Variants in LRBA observed in about 807,000 individuals in gnomAD.
LRBA encodes lipopolysaccharide-responsive and beige-like anchor protein.
Under a neutral mutation model 330.0 loss-of-function variants are expected in LRBA, and 176 were observed. The ratio of observed to expected loss-of-function variants is 0.53; its 90% confidence interval spans 0.47 to 0.60. The LOEUF is 0.60. LRBA is among the 20% of genes least tolerant of loss of function. The pLI, the probability that LRBA is intolerant of heterozygous loss-of-function variation, is 0.00. For synonymous variants in LRBA, 1,230 were observed against 1,193.0 expected, an observed-to-expected ratio of 1.03 and a Z score of -0.64; for missense variants, 3,259 against 3,444.8, an observed-to-expected ratio of 0.95 and a Z score of 1.35.
chr4:150,506,318 A>G (rs1001722794), intron 40 of LRBA, among the ~76,000 whole-genome samples: 4 of 152,212 alleles, frequency 2.6e-5, no homozygotes, highest in Non-Finnish European at 5.9e-5. Context: ...CATTGATGCA[A>G]AAATCCTCAG....
chr4:150,747,317 C>T (rs1434688300), intron 35 of LRBA, among the ~76,000 whole-genome samples: 1 of 152,214 alleles, frequency 6.6e-6, no homozygotes, highest in African/African-American at 2.4e-5. Flanking sequence ...GTGTATCAGT[C>T]TCTTCTTTAG....
chr4:150,538,828 A>C (rs1191999041), intron 40 of LRBA, among the ~76,000 whole-genome samples: 3 of 151,914 alleles, frequency 2.0e-5, no homozygotes, highest in Non-Finnish European at 4.4e-5. Context: ...AAAAAAAAAA[A>C]AACAAAAAAC....
intron 49 of LRBA, 93 bp downstream of exon 49, chr4:150,325,716 G>C: frequency 1.2e-6 from 1 of 866,456 alleles, no homozygotes; most frequent in Non-Finnish European, 1.9e-6. Flanking sequence ...CCCACATATG[G>C]TGGAGAAACT....
At chr4:150,727,709 C>T (rs577747307) in intron 36 of LRBA, among the ~76,000 whole-genome samples, 5 of 151,642 alleles carry the variant, frequency 3.3e-5, no homozygotes, top group African/African-American at 1.2e-4. Flanking sequence ...CAGGATACAG[C>T]AAAAGCACTA....
At chr4:150,439,649 A>C (rs1219639688) in intron 44 of LRBA, among the ~76,000 whole-genome samples, 3 of 152,206 alleles carry the variant, frequency 2.0e-5, no homozygotes, top group Non-Finnish European at 4.4e-5. Context: ...CCTCATTAAA[A>C]GATTCTGCTT....
chr4:150,844,821 A>G (rs1158311987), intron 26 of LRBA, 42 bp from the exon 27 acceptor site: 1 of 1,540,432 alleles, frequency 6.5e-7, no homozygotes. Context: ...AGAAAAGTTA[A>G]TATTTAAGAT....
chr4:150,516,170 T>C (rs1251797353), intron 40 of LRBA, among the ~76,000 whole-genome samples: 1 of 150,626 alleles, frequency 6.6e-6, no homozygotes, highest in Admixed American at 6.6e-5. Context: ...CAAATATATA[T>C]TTTTTTAAAA....
chr4:150,848,426 C>T (rs1327707779), intron 26 of LRBA, among the ~76,000 whole-genome samples: 2 of 151,974 alleles, frequency 1.3e-5, no homozygotes, highest in African/African-American at 4.8e-5. Context: ...AGAAGCACTA[C>T]TTTAGAGCAA....
rs7674989 is a variant in LRBA, at chr4:150,487,648, T to C, written c.6551+84A>G. The C allele has an allele frequency of 0.92, 606,718 of 661,598 alleles. 280,424 individuals are homozygous for C. Among genetic ancestry groups the C allele is most frequent in the Non-Finnish European group, 0.96 (382,998 of 400,254 alleles). The allele number at this position is 661,598 out of a possible 1,614,324, so 41.0% of individuals were successfully genotyped here. ...AAGTGAGAACATTAATACAGATTAATGTTAATAAGAATATTAATACTGGTT... is the reference window on the plus strand; with the variant it reads ...AAGTGAGAACATTAATACAGATTAACGTTAATAAGAATATTAATACTGGTT... On this transcript the variant is annotated intron_variant, in intron 42 of 56. Transcript: ENST00000651943.
chr4:150,278,087 C>G, intron 55 of LRBA, 83 bp from the exon 56 acceptor site: 4 of 1,202,590 alleles, frequency 3.3e-6, no homozygotes, highest in Non-Finnish European at 4.8e-6. Flanking sequence ...ATTCTTACAC[C>G]AGCTACTACG....
intron 40 of LRBA, among the ~76,000 whole-genome samples, chr4:150,508,153 C>G (rs1454082897): frequency 7.0e-6 from 1 of 141,964 alleles, no homozygotes; most frequent in Non-Finnish European, 1.5e-5. Flanking sequence ...GTACAGCACA[C>G]CAACATGGCA....
rs58558446 is a variant in LRBA at position 150,694,462 on chromosome 4, C to CAAAAAAAAAAAAA, written c.5755-10758_5755-10746dup. 8.7e-3 allele frequency among the ~76,000 whole-genome samples: 614 copies of CAAAAAAAAAAAAA among 70,900 alleles called. 97 individuals carry two copies. The highest frequency in any genetic ancestry group is 0.029 in the African/African-American group (582 of 20,286). 46.5% of individuals were successfully genotyped at this position (70,900 alleles called of 152,430 possible). On this transcript the variant is annotated intron_variant, in intron 36 of 56. Coordinates refer to ENST00000651943, the MANE Select transcript of LRBA (RefSeq NM_001364905.1). ...CCTTACCTTAAAGTGTGATCTTTAA[C>CAAAAAAAAAAAAA]AAAAAAAAAAAAAAGCTATCTACAG...
intron 55 of LRBA, among the ~76,000 whole-genome samples, chr4:150,278,849 G>C (rs1389826607): frequency 6.6e-6 from 1 of 151,802 alleles, no homozygotes; most frequent in African/African-American, 2.4e-5. Flanking sequence ...CCTCGAGACA[G>C]GGTCTTGCTC....
At chr4:150,724,975 GCATCAGAGT>G (rs1450208808) in intron 36 of LRBA, among the ~76,000 whole-genome samples, 2 of 150,864 alleles carry the variant, frequency 1.3e-5, no homozygotes, top group African/African-American at 2.4e-5. Flanking sequence ...GCTGAAGAAT[GCATCAGAGT>G]CATCAGAGTC....
chr4:150,336,280 T>C (rs1271618852), intron 48 of LRBA, among the ~76,000 whole-genome samples: 5 of 152,208 alleles, frequency 3.3e-5, no homozygotes, highest in Admixed American at 3.3e-4. Flanking sequence ...TCTATAGACC[T>C]TGCTATAAAA....
chr4:150,806,108 C>A (rs1034263512), intron 33 of LRBA, among the ~76,000 whole-genome samples, 163 bp downstream of exon 33: 6 of 151,658 alleles, frequency 4.0e-5, no homozygotes, highest in African/African-American at 1.5e-4. Context: ...AAGATTACAA[C>A]ATAATAGACA....
intron 2 of LRBA, among the ~76,000 whole-genome samples, chr4:150,942,731 A>G (rs1011222144): frequency 1.3e-5 from 2 of 152,122 alleles, no homozygotes; most frequent in African/African-American, 4.8e-5. Context: ...AGTCATACAG[A>G]TTAGTCAATT....
At chr4:150,908,215 T>C (rs1174063418) in intron 11 of LRBA, 119 bp downstream of exon 11, 22 of 943,868 alleles carry the variant, frequency 2.3e-5, no homozygotes, top group Non-Finnish European at 3.5e-5. Flanking sequence ...ATACAGTTTA[T>C]AGTTCACAAG....
intron 40 of LRBA, among the ~76,000 whole-genome samples, chr4:150,541,030 C>T (rs1765263173): frequency 6.6e-6 from 1 of 152,118 alleles, no homozygotes; most frequent in African/African-American, 2.4e-5. Flanking sequence ...AACAGAAAAC[C>T]TAACTAAAAA....
Sources: allele counts gnomAD v4.1 joint callset (sites outside exome capture counted in the v4.1 genomes callset), GRCh38; gene constraint gnomAD v4.1.1; transcripts MANE v1.5; gene names NCBI Gene and HGNC (gene_info 2026-07-23, HGNC 2026-07-21).